The following DNAH5 variants were observed in gnomAD, a reference collection of about 807,000 sequenced individuals.
The protein encoded by DNAH5 is dynein axonemal heavy chain 5.
DNAH5 carries 372 observed loss-of-function variants against 518.2 expected under a neutral mutation model. That is an observed-to-expected ratio of 0.72 (90% confidence interval 0.66 to 0.78). DNAH5 has a LOEUF of 0.78. Ranked by LOEUF, DNAH5 falls within the 30% of genes least tolerant of loss-of-function variation. The pLI is 0.00. For missense variants in DNAH5, 5,523 were observed against 5,687.0 expected (o/e 0.97, Z 0.93); for synonymous variants, 2,039 against 2,025.9 (o/e 1.01, Z -0.17).
rs769404516 is a variant in DNAH5 at position 13,701,331 on chromosome 5, T to A, written c.13444A>T (p.Met4482Leu). ...VFNGRPHCFW[M>L]TGFFNPQGFL... Reference sequence around the variant, plus strand: ...CCCTGGGGGTTAAAAAAACCCGTCATCCAAAAGCAGTGAGGTCGGCCATTG... The same window carrying A: ...CCCTGGGGGTTAAAAAAACCCGTCAACCAAAAGCAGTGAGGTCGGCCATTG... Residue 4482 changes from methionine to leucine, a missense_variant, in exon 77 of 79, where the codon ATG becomes TTG. Met to Leu is a conservative substitution (Grantham distance 15). Transcript: ENST00000265104. 11 of 1,614,056 alleles carry A rather than the reference T, an allele frequency of 6.8e-6. No homozygotes were observed. Among genetic ancestry groups the A allele is most frequent in the South Asian group, 6.6e-5 (6 of 91,080 alleles).
rs1772422890 is a variant in DNAH5, at chr5:13,886,257, C to T, written c.2578-128G>A. ...AGGTGAGATTTCAGCCCCAGTGATG[C>T]TTGGCCACATCCTTCACAATAGCAC... On this transcript the variant is annotated intron_variant, in intron 17 of 78. Transcript: ENST00000265104. 5 of 921,508 alleles carry T rather than the reference C, an allele frequency of 5.4e-6. No homozygotes were observed. In the South Asian group the frequency reaches 7.5e-5, roughly 14 times the overall value. The allele number at this position is 921,508 out of a possible 1,614,324, so 57.1% of individuals were successfully genotyped here. A position where few individuals can be genotyped will look rare whatever the true frequency, so the allele number is the denominator to read the frequency against.
intron 53 of DNAH5, among the ~76,000 whole-genome samples, chr5:13,780,368 CTGA>C (rs1561239342): frequency 6.6e-6 from 1 of 152,162 alleles, no homozygotes. Flanking sequence ...TACAAAATCC[CTGA>C]TGATACGGCT....
intron 5 of DNAH5, 40 bp downstream of exon 5, chr5:13,922,067 C>T (rs1450344973): frequency 1.3e-6 from 2 of 1,594,684 alleles, no homozygotes; most frequent in African/African-American, 1.3e-5. Flanking sequence ...GCTTGTTGAC[C>T]ACCTGATCAT....
rs1362947351 is a variant in DNAH5, at chr5:13,754,190, G to C, written c.10555+13C>G. ...GTCAACACACAATCTCATTAATAAA[G>C]AAATTTACATACCTACAAGTCTTTT... On this transcript the variant is annotated intron_variant, in intron 62 of 78. Coordinates refer to ENST00000265104, the MANE Select transcript of DNAH5 (RefSeq NM_001369.3). 1 of 1,613,966 alleles carries C rather than the reference G, an allele frequency of 6.2e-7. No individual in the cohort carries two copies. The highest frequency in any genetic ancestry group is 8.5e-7 in the Non-Finnish European group (1 of 1,179,900).
rs369931315 is a variant in DNAH5 at position 13,777,351 on chromosome 5, A to G, written c.8956T>C (p.Tyr2986His). Residue 2986 changes from tyrosine (Y) to histidine (H), a missense_variant, in exon 54 of 79, where the codon TAC (tyrosine) becomes CAC (histidine). Physicochemically the swap from Tyr to His is moderately conservative, Grantham distance 83. This residue lies in a region of DNAH5 where 5,121 missense variants were observed against 5,223.3 expected (regional missense o/e 0.98). Coordinates refer to ENST00000265104, the MANE Select transcript of DNAH5 (RefSeq NM_001369.3). Reference protein sequence around the residue: ...VSFQITLTRSYNTSNLMEDLK... With the variant: ...VSFQITLTRSHNTSNLMEDLK... The stretch of plus-strand genomic sequence containing the variant: ...TCTTCCATCAGATTTGATGTGTTGT[A>G]GGATCTAAAGAAATATTTTCATTTT... 1.0e-4 allele frequency: 167 copies of G among 1,612,730 alleles called. No homozygotes were observed. Among genetic ancestry groups the G allele is most frequent in the Non-Finnish European group, 1.1e-4 (135 of 1,179,258 alleles).
At chr5:13,989,758 C>T (rs916249543) in intron 1 of DNAH5, among the ~76,000 whole-genome samples, 8 of 152,208 alleles carry the variant, frequency 5.3e-5, no homozygotes, top group Non-Finnish European at 8.8e-5. Flanking sequence ...GCTCGGATTA[C>T]AGTCATGAGC....
chr5:13,771,017 AT>A (rs1239646575), intron 55 of DNAH5, 37 bp from the exon 56 acceptor site: 1 of 1,498,724 alleles, frequency 6.7e-7, no homozygotes, highest in South Asian at 1.1e-5. Context: ...TGAAATATGT[AT>A]GTAAGTTACC....
intron 55 of DNAH5, 65 bp downstream of exon 55, chr5:13,776,374 A>T (rs1483921876): frequency 5.0e-6 from 8 of 1,605,422 alleles, no homozygotes; most frequent in Non-Finnish European, 6.8e-6. Context: ...GCCTTCAAGC[A>T]TCCCTGAAAG....
In DNAH5 at chr5:13,769,143, C is replaced by A; in HGVS notation, c.9721-7G>T. The A allele has an allele frequency of 6.2e-7, 1 of 1,613,506 alleles. No homozygotes were observed. The highest frequency in any genetic ancestry group is 1.7e-4 in the Middle Eastern group (1 of 6,058). ...TTGTCACTTCTTTTAAGACCTAATTCAATATAAAGCAAGCAATACTTCACC... is the reference window on the plus strand; with the variant it reads ...TTGTCACTTCTTTTAAGACCTAATTAAATATAAAGCAAGCAATACTTCACC... On this transcript the variant is annotated splice_region_variant and splice_polypyrimidine_tract_variant and intron_variant, in intron 57 of 78. Transcript: ENST00000265104.
chr5:13,999,290 C>T (rs988163684), intron 1 of DNAH5, among the ~76,000 whole-genome samples: 1 of 152,228 alleles, frequency 6.6e-6, no homozygotes, highest in Non-Finnish European at 1.5e-5. Context: ...CAACATTGTA[C>T]AACAGATCTC....
chr5:13,876,293 C>T (rs1027462844), intron 22 of DNAH5, among the ~76,000 whole-genome samples: 8 of 151,984 alleles, frequency 5.3e-5, no homozygotes, highest in Non-Finnish European at 8.8e-5. Context: ...AACATTTGCC[C>T]GACTACTCAA....
chr5:13,936,975 G>A (rs191225859), intron 1 of DNAH5, among the ~76,000 whole-genome samples: 18 of 152,148 alleles, frequency 1.2e-4, no homozygotes, highest in Admixed American at 1.1e-3. Flanking sequence ...TGCATTGCCA[G>A]CTTGGTTCTG....
At chr5:13,793,212 C>T (rs1757271951) in intron 49 of DNAH5, among the ~76,000 whole-genome samples, 1 of 152,162 alleles carries the variant, frequency 6.6e-6, no homozygotes, top group Admixed American at 6.6e-5. Context: ...GAGGAAACAA[C>T]CTCATGTATG....
chr5:13,840,037 G>C (rs1466473716), intron 34 of DNAH5, among the ~76,000 whole-genome samples: 3 of 152,198 alleles, frequency 2.0e-5, no homozygotes, highest in African/African-American at 4.8e-5. Context: ...CCATTGCCTG[G>C]AAATGCTTTT....
chr5:13,841,918 C>CAAA lies in DNAH5; in HGVS notation c.5272-17_5272-15dup, dbSNP rs35337694. The CAAA allele has an allele frequency of 3.0e-3, 1,776 of 591,934 alleles. 12 individuals carry two copies. The highest frequency in any genetic ancestry group is 0.021 in the African/African-American group (863 of 40,622). The allele number at this position is 591,934 out of a possible 1,614,324, so 36.7% of individuals were successfully genotyped here. A position where few individuals can be genotyped will look rare whatever the true frequency, so the allele number is the denominator to read the frequency against. ...TCGATCATAGATCTATGTTAGAAAC[C>CAAA]AAAAAAAAAAAAAAAAAAAGCTATA... On this transcript the variant is annotated splice_polypyrimidine_tract_variant and intron_variant, in intron 32 of 78. Coordinates refer to ENST00000265104, the MANE Select transcript of DNAH5 (RefSeq NM_001369.3).
chr5:13,746,484 G>A (rs1240043001), intron 65 of DNAH5, among the ~76,000 whole-genome samples: 1 of 152,166 alleles, frequency 6.6e-6, no homozygotes, highest in Non-Finnish European at 1.5e-5. Flanking sequence ...GTGCACTACA[G>A]ATCCCTGGGC....
Position 13,900,327 on chromosome 5 carries a change from T to C in DNAH5, c.2138A>G (p.Gln713Arg), listed in dbSNP as rs1317901010. Residue 713 changes from glutamine to arginine, a missense_variant, in exon 15 of 79, where the codon CAG (glutamine) becomes CGG (arginine). Coordinates refer to ENST00000265104, the MANE Select transcript of DNAH5 (RefSeq NM_001369.3). ...TGTTTCTCTAAATAAGATTAATATC[T>C]GAGGGTCAAAGTTTACAAACAATTC... Reference protein sequence around the residue: ...TGELFVNFDPQILILFRETEC... With the variant: ...TGELFVNFDPRILILFRETEC... 1 of 1,614,208 alleles carries C rather than the reference T, an allele frequency of 6.2e-7. No individual in the cohort carries two copies. Among genetic ancestry groups the C allele is most frequent in the South Asian group, 1.1e-5 (1 of 91,084 alleles).
chr5:13,963,639 A>C (rs1478470448), intron 1 of DNAH5, among the ~76,000 whole-genome samples: 2 of 151,440 alleles, frequency 1.3e-5, no homozygotes, highest in Non-Finnish European at 2.9e-5. Context: ...CACATAAGAT[A>C]ATGTCTGACA....
At position 13,811,828 on chromosome 5, in the gene DNAH5, C is replaced by CGA. The variant is rs759836671; in HGVS notation, c.7231-6_7231-5insTC. 7.4e-6 allele frequency: 12 copies of CGA among 1,613,850 alleles called. No individual in the cohort carries two copies. In the African/African-American group the frequency reaches 1.5e-4, roughly 20 times the overall value. ...TGAGCGTTTCTTAAGAAAACCCTGTCAGTTCACAGACAAGTGTATTCATGA... is the reference window on the plus strand; with the variant it reads ...TGAGCGTTTCTTAAGAAAACCCTGTCGAAGTTCACAGACAAGTGTATTCATGA... On this transcript the variant is annotated splice_polypyrimidine_tract_variant and splice_region_variant and intron_variant, in intron 43 of 78. Coordinates refer to ENST00000265104, the MANE Select transcript of DNAH5 (RefSeq NM_001369.3).
Sources: gnomAD v4.1 joint callset for allele counts (sites outside exome capture counted in the v4.1 genomes callset) on GRCh38, gnomAD v4.1.1 for gene constraint, gnomAD v4.1.1 regional missense constraint, MANE v1.5 for transcripts, NCBI Gene and HGNC (gene_info 2026-07-23, HGNC 2026-07-21) for gene names.